The following KLHL5 variants were observed in gnomAD, a reference collection of about 807,000 sequenced individuals.
The protein encoded by KLHL5 is kelch-like protein 5.
KLHL5 carries 48 observed loss-of-function variants against 77.7 expected under a neutral mutation model. The observed-to-expected ratio is 0.62, with a 90% CI of 0.49 to 0.79. The LOEUF (loss-of-function observed/expected upper bound fraction) is 0.79, where lower values mean the gene tolerates loss of function less well. KLHL5 is among the 30% of genes least tolerant of loss of function. The pLI is 0.00. For missense variants in KLHL5, 723 were observed against 859.7 expected, an observed-to-expected ratio of 0.84 and a Z score of 1.99; for synonymous variants, 260 against 297.0, an observed-to-expected ratio of 0.88 and a Z score of 1.28.
the KLHL5 span, among the ~76,000 whole-genome samples, chr4:39,134,994 C>T: frequency 6.6e-6 from 1 of 152,178 alleles, no homozygotes; most frequent in African/African-American, 2.4e-5. Context: ...TGTGATGTAT[C>T]AGACAGAGTC....
rs1216505999 is a variant in KLHL5 at position 39,062,832 on chromosome 4, A to G, written c.180A>G (p.Gln60=). 2 of 1,614,142 alleles carry G rather than the reference A, an allele frequency of 1.2e-6. No homozygotes were observed. The highest frequency in any genetic ancestry group is 1.1e-5 in the South Asian group (1 of 91,082). Residue 60 remains glutamine, a synonymous_variant, in exon 1 of 11, where the codon CAA becomes CAG. Transcript: ENST00000504108. The stretch of plus-strand genomic sequence containing the variant: ...AGTTTTTAGATCCATGTAGCCTACA[A>G]TTGCCTTTGGCTTCAATTGGTTACC... The part of the protein sequence containing the change: ...GRKFLDPCSL[Q]LPLASIGYRR...
At chr4:39,077,580 T>C (rs1270502092) in intron 2 of KLHL5, among the ~76,000 whole-genome samples, 3 of 151,408 alleles carry the variant, frequency 2.0e-5, no homozygotes, top group Non-Finnish European at 2.9e-5. Context: ...CGAAAAATAA[T>C]CAATGTTGGC....
At chr4:39,049,558 G>A (rs1716470521) in intron 1 of KLHL5, among the ~76,000 whole-genome samples, 1 of 152,004 alleles carries the variant, frequency 6.6e-6, no homozygotes, top group African/African-American at 2.4e-5. Context: ...GTAGTGGCAT[G>A]TGTCTCCAGT....
intron 1 of KLHL5, 42 bp from the exon 2 acceptor site, chr4:39,075,923 T>G (rs754254679): frequency 4.0e-6 from 6 of 1,517,666 alleles, no homozygotes; most frequent in Non-Finnish European, 4.5e-6. Context: ...CTTTTTAATG[T>G]GATAGTGATA....
At chr4:39,078,244 G>T (rs565240260) in intron 2 of KLHL5, among the ~76,000 whole-genome samples, 1 of 151,998 alleles carries the variant, frequency 6.6e-6, no homozygotes, top group African/African-American at 2.4e-5. Context: ...AAATTAGCCC[G>T]GTGTGGTGGC....
chr4:39,104,044 C>T (rs1721836484), intron 7 of KLHL5, among the ~76,000 whole-genome samples: 1 of 144,876 alleles, frequency 6.9e-6, no homozygotes, highest in East Asian at 2.1e-4. Context: ...ATGGTTTATA[C>T]AATACTCAAT....
At chr4:39,100,824 C>T (rs1178191339) in intron 6 of KLHL5, among the ~76,000 whole-genome samples, 1 of 152,078 alleles carries the variant, frequency 6.6e-6, no homozygotes, top group Non-Finnish European at 1.5e-5. Context: ...TCTGACCTAT[C>T]CTGTTCAAGC....
At position 39,062,596 on chromosome 4, in the gene KLHL5, A is replaced by T; in HGVS notation, c.-57A>T. On this transcript the variant is annotated 5_prime_UTR_variant, in exon 1 of 11. Transcript: ENST00000504108. ...TTCTCTTGTCTTGGTTGGATGCACA[A>T]ATCTGTGTGCAGTGCTTTTTGCCCG... is the stretch of plus-strand genomic sequence containing the variant. 6.2e-7 allele frequency: 1 copy of T among 1,614,094 alleles called. No individual in the cohort carries two copies. The highest frequency in any genetic ancestry group is 8.5e-7 in the Non-Finnish European group (1 of 1,179,968).
At chr4:39,050,509 C>T (rs1401197283) in intron 1 of KLHL5, among the ~76,000 whole-genome samples, 1 of 152,138 alleles carries the variant, frequency 6.6e-6, no homozygotes, top group East Asian at 1.9e-4. Flanking sequence ...TTCTTTTTCT[C>T]TATTGATTAA....
At chr4:39,132,123 A>C in the KLHL5 span, among the ~76,000 whole-genome samples, 3 of 152,116 alleles carry the variant, frequency 2.0e-5, no homozygotes, top group Admixed American at 1.3e-4. Context: ...CTTCGAAGGT[A>C]AGGACAAACC....
chr4:39,118,712 C>T lies in KLHL5; in HGVS notation c.2074-2298C>T, dbSNP rs1338683112. ...CAGAGGTTGCAGTAAGCCAAGATCA[C>T]GCCATTGCACTCCAACCTGGGTGAC... is the stretch of plus-strand genomic sequence containing the variant. On this transcript the variant is annotated intron_variant, in intron 10 of 10. Transcript: ENST00000504108. 9.2e-5 allele frequency among the ~76,000 whole-genome samples: 14 copies of T among 151,882 alleles called. No homozygotes were observed. The East Asian group carries it at 2.3e-3, about 25-fold the overall frequency.
chr4:39,135,187 C>A, the KLHL5 span: 16 of 152,324 alleles, frequency 1.1e-4, no homozygotes, highest in African/African-American at 3.9e-4. Context: ...TGGCAGAAGA[C>A]ATCCATGGGT....
chr4:39,102,384 TAAA>T (rs542878375), intron 6 of KLHL5, among the ~76,000 whole-genome samples: 1 of 133,142 alleles, frequency 7.5e-6, no homozygotes, highest in Admixed American at 7.6e-5. Flanking sequence ...TTCCAATTCT[TAAA>T]AAAAAAAAAA....
chr4:39,111,590 T>C (rs930544284), intron 8 of KLHL5, among the ~76,000 whole-genome samples: 7 of 152,246 alleles, frequency 4.6e-5, no homozygotes, highest in Non-Finnish European at 8.8e-5. Flanking sequence ...CTTCTCATGT[T>C]CTGTGATCCA....
the KLHL5 span, among the ~76,000 whole-genome samples, chr4:39,134,701 A>C: frequency 2.0e-5 from 3 of 152,238 alleles, no homozygotes; most frequent in African/African-American, 7.2e-5. Flanking sequence ...AGGTTTCATA[A>C]GTGCCTTTCT....
Position 39,091,852 on chromosome 4 carries a change from T to TG in KLHL5, c.1114-4840_1114-4839insG, listed in dbSNP as rs1329683280. Among the ~76,000 whole-genome samples, 973 of 142,536 alleles carry TG rather than the reference T, an allele frequency of 6.8e-3. 41 individuals are homozygous for TG. The highest frequency in any genetic ancestry group is 0.064 in the Admixed American group (896 of 14,104). The allele number at this position is 142,536 out of a possible 152,430, so 93.5% of individuals were successfully genotyped here. A position where few individuals can be genotyped will look rare whatever the true frequency, so the allele number is the denominator to read the frequency against. On this transcript the variant is annotated intron_variant, in intron 5 of 10. Transcript: ENST00000504108. ...TCACACATCTGACTAGTTTTTTTTT[T>TG]TTTTTTTTTTTTTTGTAGAGACAGC...
At chr4:39,112,977 A>G (rs2109575263) in intron 8 of KLHL5, 43 bp from the exon 9 acceptor site, 3 of 1,551,868 alleles carry the variant, frequency 1.9e-6, no homozygotes, top group East Asian at 2.2e-5. Flanking sequence ...TCTAAGCATA[A>G]TGGCACATGT....
At chr4:39,077,754 G>A (rs1202531538) in intron 2 of KLHL5, among the ~76,000 whole-genome samples, 1 of 149,748 alleles carries the variant, frequency 6.7e-6, no homozygotes, top group Admixed American at 6.6e-5. Flanking sequence ...TCTACCATTT[G>A]ATCCAGCAAT....
chr4:39,075,776 T>C (rs1380465304), intron 1 of KLHL5, among the ~76,000 whole-genome samples, 189 bp from the exon 2 acceptor site: 1 of 152,234 alleles, frequency 6.6e-6, no homozygotes, highest in Non-Finnish European at 1.5e-5. Flanking sequence ...TTACAGTGTT[T>C]ACAAGAATCA....
Sources: gnomAD v4.1 joint callset for allele counts (sites outside exome capture counted in the v4.1 genomes callset) on GRCh38, gnomAD v4.1.1 for gene constraint, MANE v1.5 for transcripts, NCBI Gene and HGNC (gene_info 2026-07-23, HGNC 2026-07-21) for gene names.